Variants in KHDRBS2 observed in about 807,000 individuals in gnomAD.
KHDRBS2 encodes the protein KH domain-containing, RNA-binding, signal transduction-associated protein 2.
Under a neutral mutation model 44.3 loss-of-function variants are expected in KHDRBS2, and 26 were observed. The observed-to-expected ratio is 0.59, with a 90% CI of 0.43 to 0.81. The LOEUF (loss-of-function observed/expected upper bound fraction) is 0.81, where lower values mean the gene tolerates loss of function less well. KHDRBS2 is among the 40% of genes least tolerant of loss of function. The pLI, the probability that KHDRBS2 is intolerant of heterozygous loss-of-function variation, is 0.00. For synonymous variants in KHDRBS2, 194 were observed against 151.1 expected (o/e 1.28, Z -2.08); for missense variants, 476 against 433.1 (o/e 1.10, Z -0.88).
chr6:62,059,002 T>C (rs1267100890), intron 2 of KHDRBS2, among the ~76,000 whole-genome samples: 3 of 151,628 alleles, frequency 2.0e-5, no homozygotes, highest in East Asian at 2.0e-4. Flanking sequence ...ACCTGAAACT[T>C]AGGAAACATA....
intron 7 of KHDRBS2, among the ~76,000 whole-genome samples, chr6:61,710,643 A>C (rs759347882): frequency 1.3e-5 from 2 of 151,042 alleles, no homozygotes; most frequent in Non-Finnish European, 3.0e-5. Context: ...TCATCCAGGA[A>C]GGTATTCATC....
At chr6:62,268,571 A>G (rs1839574509) in intron 1 of KHDRBS2, among the ~76,000 whole-genome samples, 1 of 152,082 alleles carries the variant, frequency 6.6e-6, no homozygotes, top group Admixed American at 6.6e-5. Flanking sequence ...GGAGATGCCA[A>G]TTCTGTTTGT....
chr6:61,770,340 G>A (rs1384165563), intron 6 of KHDRBS2, among the ~76,000 whole-genome samples: 1 of 152,228 alleles, frequency 6.6e-6, no homozygotes, highest in African/African-American at 2.4e-5. Flanking sequence ...GATGGGGAAT[G>A]ACTTTGCCGA....
chr6:61,544,987 G>A, the KHDRBS2 span, among the ~76,000 whole-genome samples: 2 of 151,960 alleles, frequency 1.3e-5, no homozygotes, highest in Admixed American at 6.6e-5. Flanking sequence ...GCTAAATGAC[G>A]AGTTAATGGG....
At chr6:62,183,243 T>C (rs1388423964) in intron 1 of KHDRBS2, among the ~76,000 whole-genome samples, 1 of 151,770 alleles carries the variant, frequency 6.6e-6, no homozygotes, top group African/African-American at 2.4e-5. Flanking sequence ...TAATTACACA[T>C]GCACAAACGC....
intron 6 of KHDRBS2, among the ~76,000 whole-genome samples, chr6:61,778,319 C>A (rs763518238): frequency 5.3e-5 from 8 of 152,144 alleles, no homozygotes; most frequent in Non-Finnish European, 1.2e-4. Flanking sequence ...GTGCAAGACA[C>A]ATTCTCTTTC....
rs10700035 is a variant in KHDRBS2 at position 61,916,965 on chromosome 6, A to ATTTTTT, written c.484-15600_484-15595dup. 1.6e-3 allele frequency among the ~76,000 whole-genome samples: 149 copies of ATTTTTT among 90,614 alleles called. 2 individuals are homozygous for ATTTTTT. Among genetic ancestry groups the ATTTTTT allele is most frequent in the Admixed American group, 0.011 (77 of 7,268 alleles). The allele number at this position is 90,614 out of a possible 152,430, so 59.4% of individuals were successfully genotyped here. A position where few individuals can be genotyped will look rare whatever the true frequency, so the allele number is the denominator to read the frequency against. On this transcript the variant is annotated intron_variant, in intron 4 of 8. Transcript: ENST00000281156. ...GGATGTGGAGAAACAGGAACTCTGTATTTTTTTTTTTTTTTTTTTTTTTTG... is the reference window on the plus strand; with the variant it reads ...GGATGTGGAGAAACAGGAACTCTGTATTTTTTTTTTTTTTTTTTTTTTTTTTTTTTG...
intron 2 of KHDRBS2, among the ~76,000 whole-genome samples, chr6:62,153,121 C>A (rs1230242265): frequency 1.3e-5 from 2 of 152,166 alleles, no homozygotes; most frequent in Non-Finnish European, 2.9e-5. Flanking sequence ...ATTTTAAGGT[C>A]ATATCTGAAG....
chr6:61,940,723 GGC>G (rs1184289789), intron 4 of KHDRBS2, among the ~76,000 whole-genome samples: 1 of 152,158 alleles, frequency 6.6e-6, no homozygotes, highest in African/African-American at 2.4e-5. Flanking sequence ...ATATAAGAGT[GGC>G]TTCTACTTCC....
rs1769386988 is a variant in KHDRBS2, at chr6:61,705,577, TC to T, written c.894-8325del. Among the ~76,000 whole-genome samples, 3 of 151,956 alleles carry T rather than the reference TC, an allele frequency of 2.0e-5. No individual in the cohort carries two copies. In the South Asian group the frequency reaches 6.2e-4, roughly 31 times the overall value. On this transcript the variant is annotated intron_variant, in intron 7 of 8. Coordinates refer to ENST00000281156, the MANE Select transcript of KHDRBS2 (RefSeq NM_152688.4). ...CAATTCATCCAGTCCATAATATGCA[TC>T]CAAAATAGTCACTCTCATTTGTATT...
At chr6:61,567,731 C>T in the KHDRBS2 span, among the ~76,000 whole-genome samples, 2 of 152,196 alleles carry the variant, frequency 1.3e-5, no homozygotes, top group South Asian at 4.1e-4. Flanking sequence ...CCTTCTCTTC[C>T]CTGCTCTTCC....
chr6:61,830,260 G>C (rs745927903), intron 6 of KHDRBS2, among the ~76,000 whole-genome samples: 21 of 152,070 alleles, frequency 1.4e-4, no homozygotes, highest in Non-Finnish European at 2.2e-4. Context: ...AGTTTTGAGT[G>C]GTTTGTTTTT....
intron 2 of KHDRBS2, among the ~76,000 whole-genome samples, chr6:62,051,566 G>T (rs550513615): frequency 2.7e-4 from 41 of 151,868 alleles, no homozygotes; most frequent in African/African-American, 9.9e-4. Flanking sequence ...ACCTCTGAAG[G>T]CTGGCCTTGG....
rs887727280 is a variant in KHDRBS2, at chr6:62,073,091, T to C, written c.220-25097A>G. Among the ~76,000 whole-genome samples the C allele has an allele frequency of 5.9e-5, 9 of 152,192 alleles. No individual in the cohort carries two copies. The East Asian group carries it at 1.2e-3, about 20-fold the overall frequency. On this transcript the variant is annotated intron_variant, in intron 2 of 8. Transcript: ENST00000281156. ...TTGGGAGGGTGTATGTGTCGAGGAATTTATCCGGAAAGTGTTCACTTCTAA... is the reference window on the plus strand; with the variant it reads ...TTGGGAGGGTGTATGTGTCGAGGAACTTATCCGGAAAGTGTTCACTTCTAA...
intron 6 of KHDRBS2, among the ~76,000 whole-genome samples, chr6:61,862,725 C>G (rs1482960408): frequency 6.6e-6 from 1 of 151,958 alleles, no homozygotes; most frequent in Non-Finnish European, 1.5e-5. Context: ...AGTTTGCCAG[C>G]ATTTTATTGA....
At chr6:61,936,911 T>C (rs1179380667) in intron 4 of KHDRBS2, among the ~76,000 whole-genome samples, 1 of 152,082 alleles carries the variant, frequency 6.6e-6, no homozygotes, top group Non-Finnish European at 1.5e-5. Flanking sequence ...TTCTACAGTA[T>C]AATACACATG....
intron 6 of KHDRBS2, among the ~76,000 whole-genome samples, chr6:61,749,839 T>A (rs1777404895): frequency 6.6e-6 from 1 of 152,150 alleles, no homozygotes; most frequent in Admixed American, 6.5e-5. Context: ...ATAAACATTT[T>A]AAAGAATTAA....
At chr6:62,025,634 T>A (rs1466113141) in intron 3 of KHDRBS2, among the ~76,000 whole-genome samples, 1 of 152,030 alleles carries the variant, frequency 6.6e-6, no homozygotes, top group Non-Finnish European at 1.5e-5. Flanking sequence ...TTTTCCAATT[T>A]TTTTTAATAC....
chr6:61,830,506 A>G (rs572187057), intron 6 of KHDRBS2, among the ~76,000 whole-genome samples: 6 of 152,228 alleles, frequency 3.9e-5, no homozygotes, highest in African/African-American at 1.4e-4. Context: ...AGAGAGATGA[A>G]TGTTGAATAT....
Sources: allele counts gnomAD v4.1 joint callset (sites outside exome capture counted in the v4.1 genomes callset), GRCh38; gene constraint gnomAD v4.1.1; transcripts MANE v1.5; gene names NCBI Gene and HGNC (gene_info 2026-07-23, HGNC 2026-07-21).